The following CNTN5 variants were observed in gnomAD, a reference collection of about 807,000 sequenced individuals.
The protein encoded by CNTN5 is contactin 5.
In CNTN5, 77 loss-of-function variants were observed where a neutral mutation model predicts 129.1. The observed-to-expected ratio is 0.60, with a 90% CI of 0.50 to 0.72. The LOEUF (loss-of-function observed/expected upper bound fraction) is 0.72, where lower values mean the gene tolerates loss of function less well. Among genes scored for constraint, CNTN5 ranks in the 30% least tolerant of loss-of-function variants. The pLI is 0.00. For synonymous variants in CNTN5, 509 were observed against 465.6 expected (o/e 1.09, Z -1.20); for missense variants, 1,478 against 1,328.8 (o/e 1.11, Z -1.75).
intron 1 of CNTN5, among the ~76,000 whole-genome samples, chr11:99,320,093 A>C (rs1185123746): frequency 6.6e-6 from 1 of 152,060 alleles, no homozygotes; most frequent in Non-Finnish European, 1.5e-5. Context: ...TACAAAAATT[A>C]GCCAGCCATG....
At chr11:99,781,777 C>A (rs945751106) in intron 3 of CNTN5, among the ~76,000 whole-genome samples, 2 of 152,038 alleles carry the variant, frequency 1.3e-5, no homozygotes, top group Admixed American at 6.6e-5. Flanking sequence ...AATTCAACAA[C>A]CCTTCATGCT....
intron 2 of CNTN5, among the ~76,000 whole-genome samples, chr11:99,392,473 T>C (rs1202644594): frequency 6.6e-6 from 1 of 151,876 alleles, no homozygotes; most frequent in Non-Finnish European, 1.5e-5. Flanking sequence ...GTATCTCCAG[T>C]ATTGACAGAT....
chr11:99,213,204 T>C (rs1482730307), intron 1 of CNTN5, among the ~76,000 whole-genome samples: 1 of 115,278 alleles, frequency 8.7e-6, no homozygotes, highest in East Asian at 2.1e-4. Context: ...AAAAATTATA[T>C]ATATATATGT....
At chr11:99,562,271 G>A (rs955766565) in intron 3 of CNTN5, among the ~76,000 whole-genome samples, 5 of 151,858 alleles carry the variant, frequency 3.3e-5, no homozygotes, top group African/African-American at 1.2e-4. Context: ...CTATTAAAAA[G>A]CAATGATGTT....
intron 1 of CNTN5, among the ~76,000 whole-genome samples, chr11:99,222,315 G>T (rs1860437378): frequency 6.6e-6 from 1 of 151,788 alleles, no homozygotes; most frequent in African/African-American, 2.4e-5. Flanking sequence ...TAAAAGGAAG[G>T]AAGTAGGGAA....
At chr11:99,096,705 C>T (rs1331043540) in intron 1 of CNTN5, among the ~76,000 whole-genome samples, 1 of 151,716 alleles carries the variant, frequency 6.6e-6, no homozygotes, top group Non-Finnish European at 1.5e-5. Context: ...TATTATTAGA[C>T]TTTCTTTTGC....
chr11:99,596,112 C>T (rs2135683732), intron 3 of CNTN5, among the ~76,000 whole-genome samples: 1 of 152,248 alleles, frequency 6.6e-6, no homozygotes, highest in Non-Finnish European at 1.5e-5. Flanking sequence ...AAGGCTCAGG[C>T]ATCACAATCT....
At chr11:99,906,062 A>G (rs561172004) in intron 6 of CNTN5, among the ~76,000 whole-genome samples, 13 of 152,280 alleles carry the variant, frequency 8.5e-5, no homozygotes, top group African/African-American at 2.4e-4. Context: ...TGCTATATAT[A>G]CAGTCGTGTC....
intron 2 of CNTN5, among the ~76,000 whole-genome samples, chr11:99,370,931 A>G (rs1939781275): frequency 6.6e-6 from 1 of 152,148 alleles, no homozygotes; most frequent in Admixed American, 6.5e-5. Context: ...TGTTTGGGAG[A>G]AGAAGCCTCC....
intron 2 of CNTN5, among the ~76,000 whole-genome samples, chr11:99,361,260 C>T (rs1164543343): frequency 1.3e-5 from 2 of 152,246 alleles, no homozygotes; most frequent in East Asian, 3.9e-4. Flanking sequence ...CTTTAATGCT[C>T]CATTCACTTT....
At chr11:99,283,587 TTGA>T (rs1168864955) in intron 1 of CNTN5, among the ~76,000 whole-genome samples, 1 of 152,174 alleles carries the variant, frequency 6.6e-6, no homozygotes, top group African/African-American at 2.4e-5. Context: ...ATAGTGATAC[TTGA>T]TGATAAAAAT....
chr11:99,484,661 A>G (rs1478986404), intron 2 of CNTN5, among the ~76,000 whole-genome samples: 2 of 152,152 alleles, frequency 1.3e-5, no homozygotes, highest in African/African-American at 2.4e-5. Flanking sequence ...GGATGAATGA[A>G]TAAGGAAAAT....
At chr11:99,115,444 G>A (rs756470691) in intron 1 of CNTN5, among the ~76,000 whole-genome samples, 5 of 152,030 alleles carry the variant, frequency 3.3e-5, no homozygotes, top group Non-Finnish European at 5.9e-5. Flanking sequence ...TTGACATCAA[G>A]GGGCATGCCA....
chr11:99,753,651 GA>G (rs201045916), intron 3 of CNTN5, among the ~76,000 whole-genome samples: 36,887 of 96,204 alleles, frequency 0.38, 6,349 homozygotes, highest in East Asian at 0.75. Context: ...AATTTTTACT[GA>G]AAAAAAAAAA....
chr11:99,965,865 A>G (rs972173475), intron 8 of CNTN5, among the ~76,000 whole-genome samples: 1 of 152,208 alleles, frequency 6.6e-6, no homozygotes, highest in Non-Finnish European at 1.5e-5. Flanking sequence ...TCTTCAAAAA[A>G]TATGATTGAA....
At chr11:99,500,738 C>T (rs1327454367) in intron 2 of CNTN5, among the ~76,000 whole-genome samples, 3 of 152,124 alleles carry the variant, frequency 2.0e-5, no homozygotes, top group African/African-American at 7.2e-5. Context: ...TTCATACAAA[C>T]ATAATAGCAA....
At chr11:99,061,080 T>C (rs775070818) in intron 1 of CNTN5, among the ~76,000 whole-genome samples, 21 of 152,138 alleles carry the variant, frequency 1.4e-4, no homozygotes, top group Non-Finnish European at 2.9e-4. Context: ...TAAATACAAA[T>C]CACTTTAAAT....
At chr11:99,548,827 A>G (rs1440664351) in intron 2 of CNTN5, among the ~76,000 whole-genome samples, 1 of 151,926 alleles carries the variant, frequency 6.6e-6, no homozygotes, top group Non-Finnish European at 1.5e-5. Context: ...GTGCACAGGT[A>G]TTTCTTCTTT....
At chr11:99,999,217 G>GC in intron 8 of CNTN5, among the ~76,000 whole-genome samples, 1 of 152,056 alleles carries the variant, frequency 6.6e-6, no homozygotes, top group South Asian at 2.1e-4. Flanking sequence ...GAGTGAACAG[G>GC]CAACCAATAA....
Sources: gnomAD v4.1 joint callset for allele counts (sites outside exome capture counted in the v4.1 genomes callset) on GRCh38, gnomAD v4.1.1 for gene constraint, MANE v1.5 for transcripts, NCBI Gene and HGNC (gene_info 2026-07-23, HGNC 2026-07-21) for gene names.